Variants in SMYD3 observed in about 807,000 individuals in gnomAD.
SMYD3 encodes SET and MYND domain containing 3.
Under a neutral mutation model 57.7 loss-of-function variants are expected in SMYD3, and 36 were observed. The ratio of observed to expected loss-of-function variants is 0.62; its 90% CI spans 0.48 to 0.82. The LOEUF (loss-of-function observed/expected upper bound fraction) is 0.82, where lower values mean the gene tolerates loss of function less well. Ranked by LOEUF, SMYD3 falls within the 40% of genes least tolerant of loss-of-function variation. SMYD3 has a pLI of 0.00. For missense variants in SMYD3, 515 were observed against 538.8 expected (o/e 0.96, Z 0.44); for synonymous variants, 211 against 195.0 (o/e 1.08, Z -0.68).
At chr1:245,979,917 C>G (rs976252463) in intron 5 of SMYD3, among the ~76,000 whole-genome samples, 1 of 152,232 alleles carries the variant, frequency 6.6e-6, no homozygotes, top group African/African-American at 2.4e-5. Flanking sequence ...GGATCTCACA[C>G]ATCAGAATTA....
chr1:245,797,573 T>C (rs1176326869), intron 10 of SMYD3, among the ~76,000 whole-genome samples: 6 of 151,088 alleles, frequency 4.0e-5, no homozygotes. Context: ...ATACCTAATG[T>C]AAATGACAAG....
intron 5 of SMYD3, among the ~76,000 whole-genome samples, chr1:246,138,634 C>G (rs2061703318): frequency 6.8e-6 from 1 of 146,830 alleles, no homozygotes; most frequent in Admixed American, 7.1e-5. Flanking sequence ...ACCGTGTTAG[C>G]CAGGATGGTC....
At position 246,246,913 on chromosome 1, in the gene SMYD3, G is replaced by A. The variant is rs189382254; in HGVS notation, c.531+80288C>T. On this transcript the variant is annotated intron_variant, in intron 5 of 11. Coordinates refer to ENST00000490107, the MANE Select transcript of SMYD3 (RefSeq NM_001167740.2). ...TACAGTCTCACATAGGGATGAATTC[G>A]ATTATTCAGATAATTAAAATGTTTT... Among the ~76,000 whole-genome samples, 76 of 151,600 alleles carry A rather than the reference G, an allele frequency of 5.0e-4. No homozygotes were observed. The South Asian group carries it at 0.014, about 28-fold the overall frequency.
intron 10 of SMYD3, among the ~76,000 whole-genome samples, chr1:245,834,852 G>A (rs2050025585): frequency 6.6e-6 from 1 of 152,100 alleles, no homozygotes; most frequent in Admixed American, 6.6e-5. Context: ...AGCATTTGGT[G>A]GGTAACATGC....
chr1:246,285,426 C>A (rs944102967), intron 5 of SMYD3, among the ~76,000 whole-genome samples: 1 of 152,038 alleles, frequency 6.6e-6, no homozygotes, highest in Non-Finnish European at 1.5e-5. Flanking sequence ...TACAAACATG[C>A]GAGTGCAAGC....
intron 5 of SMYD3, among the ~76,000 whole-genome samples, chr1:246,285,087 G>A (rs1572337515): frequency 6.6e-6 from 1 of 151,838 alleles, no homozygotes; most frequent in South Asian, 2.1e-4. Context: ...ACACTGAACC[G>A]AATTTGTGGT....
At chr1:246,151,608 T>C (rs535335047) in intron 5 of SMYD3, among the ~76,000 whole-genome samples, 1 of 152,306 alleles carries the variant, frequency 6.6e-6, no homozygotes, top group Non-Finnish European at 1.5e-5. Flanking sequence ...TCAATAAATA[T>C]TTGTCGATCC....
chr1:246,314,464 A>G (rs1236553135), intron 5 of SMYD3, among the ~76,000 whole-genome samples: 1 of 152,086 alleles, frequency 6.6e-6, no homozygotes, highest in African/African-American at 2.4e-5. Context: ...CATAACTCAG[A>G]GGGCTACTAT....
At chr1:246,000,593 C>T (rs911555618) in intron 5 of SMYD3, among the ~76,000 whole-genome samples, 2 of 152,196 alleles carry the variant, frequency 1.3e-5, no homozygotes, top group Admixed American at 6.5e-5. Flanking sequence ...GGACTTCTCT[C>T]TGTTTCCCCC....
intron 10 of SMYD3, among the ~76,000 whole-genome samples, chr1:245,829,806 T>G (rs1031813118): frequency 6.6e-6 from 1 of 152,184 alleles, no homozygotes; most frequent in East Asian, 1.9e-4. Context: ...AAGAAAATAC[T>G]GATACATGCC....
At chr1:245,825,329 G>A (rs2148357313) in intron 10 of SMYD3, among the ~76,000 whole-genome samples, 1 of 152,308 alleles carries the variant, frequency 6.6e-6, no homozygotes, top group South Asian at 2.1e-4. Context: ...TTCGGCTTGT[G>A]GTTTAAGTCC....
chr1:245,854,822 C>T (rs1015059998), intron 10 of SMYD3, among the ~76,000 whole-genome samples: 41 of 152,038 alleles, frequency 2.7e-4, no homozygotes, highest in African/African-American at 9.2e-4. Context: ...TTGAGAGTAA[C>T]TGGGAAAGCA....
chr1:246,385,068 C>T (rs2066452456), intron 1 of SMYD3, among the ~76,000 whole-genome samples: 3 of 152,088 alleles, frequency 2.0e-5, no homozygotes, highest in Admixed American at 2.0e-4. Flanking sequence ...GTATTTTCTG[C>T]CTAAGAATTT....
chr1:246,097,271 A>C (rs962195734), intron 5 of SMYD3, among the ~76,000 whole-genome samples: 2 of 152,086 alleles, frequency 1.3e-5, no homozygotes, highest in African/African-American at 4.8e-5. Flanking sequence ...GAAAACAATA[A>C]ATAGGGAGGG....
intron 10 of SMYD3, among the ~76,000 whole-genome samples, chr1:245,833,842 G>C (rs1238437902): frequency 6.6e-6 from 1 of 152,104 alleles, no homozygotes; most frequent in African/African-American, 2.4e-5. Context: ...TCACTCTCAG[G>C]GTCTCACCCG....
intron 1 of SMYD3, among the ~76,000 whole-genome samples, chr1:246,454,172 G>A (rs1165369208): frequency 6.6e-6 from 1 of 152,180 alleles, no homozygotes; most frequent in African/African-American, 2.4e-5. Flanking sequence ...AGTTTAATGG[G>A]ATAGGTGTGC....
chr1:246,491,306 G>A (rs886194248), intron 1 of SMYD3, among the ~76,000 whole-genome samples: 7 of 152,196 alleles, frequency 4.6e-5, no homozygotes, highest in Non-Finnish European at 8.8e-5. Flanking sequence ...GGGAGGCCGA[G>A]GCAGGCATAT....
intron 5 of SMYD3, among the ~76,000 whole-genome samples, chr1:246,051,191 C>T (rs72770863): frequency 0.048 from 7,094 of 148,414 alleles, 225 homozygotes; most frequent in Middle Eastern, 0.16. Flanking sequence ...AGTATAATGG[C>T]GCAGTCACAG....
At chr1:246,090,262 C>T (rs2060798220) in intron 5 of SMYD3, among the ~76,000 whole-genome samples, 1 of 152,056 alleles carries the variant, frequency 6.6e-6, no homozygotes, top group Non-Finnish European at 1.5e-5. Flanking sequence ...TGCATAAGCA[C>T]CCAGTATGTC....
Sources: allele counts gnomAD v4.1 joint callset (sites outside exome capture counted in the v4.1 genomes callset), GRCh38; gene constraint gnomAD v4.1.1; transcripts MANE v1.5; gene names NCBI Gene and HGNC (gene_info 2026-07-23, HGNC 2026-07-21).